C10orf90: variants seen among roughly 807,000 people sequenced by gnomAD.
C10orf90 encodes the protein chromosome 10 open reading frame 90.
In C10orf90, 56 loss-of-function variants were observed where a neutral mutation model predicts 62.5. That is an observed-to-expected ratio of 0.90 (90% confidence interval 0.72 to 1.12). C10orf90 has a LOEUF of 1.12. Among genes scored for constraint, C10orf90 ranks in the 50% most tolerant of loss-of-function variants. The pLI is 0.00. For synonymous variants in C10orf90, 386 were observed against 340.4 expected (o/e 1.13, Z -1.47); for missense variants, 970 against 880.4 (o/e 1.10, Z -1.29).
intron 4 of C10orf90, chr10:126,470,093 G>A (rs562478973): frequency 2.2e-6 from 1 of 449,914 alleles, no homozygotes; most frequent in East Asian, 7.0e-5. Context: ...TACTGCAGGG[G>A]GGAAGGCACT....
intron 2 of C10orf90, among the ~76,000 whole-genome samples, chr10:126,615,091 C>T (rs1845514119): frequency 6.6e-6 from 1 of 152,182 alleles, no homozygotes; most frequent in South Asian, 2.1e-4. Context: ...TTTTCTCATC[C>T]TCCACGGAGG....
intron 2 of C10orf90, among the ~76,000 whole-genome samples, chr10:126,606,923 G>A (rs1845325029): frequency 6.6e-6 from 1 of 152,150 alleles, no homozygotes; most frequent in Non-Finnish European, 1.5e-5. Context: ...TGACCCATAA[G>A]CCTTAAAGAG....
At chr10:126,480,406 T>G (rs1446939026) in intron 4 of C10orf90, among the ~76,000 whole-genome samples, 2 of 152,258 alleles carry the variant, frequency 1.3e-5, no homozygotes, top group Non-Finnish European at 2.9e-5. Context: ...TTTAACATTC[T>G]AATTTTCCAT....
At chr10:126,584,078 C>T (rs548724700) in intron 2 of C10orf90, among the ~76,000 whole-genome samples, 2 of 152,100 alleles carry the variant, frequency 1.3e-5, no homozygotes, top group Non-Finnish European at 2.9e-5. Flanking sequence ...TGTGATGGTG[C>T]CACTGCCCTC....
intron 2 of C10orf90, 115 bp from the exon 3 acceptor site, chr10:126,514,054 T>A: frequency 1.4e-6 from 1 of 719,846 alleles, no homozygotes; most frequent in Non-Finnish European, 2.3e-6. Context: ...CAGCCAACAG[T>A]AAATCCAGGA....
chr10:126,478,921 G>T (rs370425009), intron 4 of C10orf90, among the ~76,000 whole-genome samples: 1 of 152,152 alleles, frequency 6.6e-6, no homozygotes, highest in African/African-American at 2.4e-5. Flanking sequence ...TGAAGCGGGG[G>T]TGACATCAGC....
intron 2 of C10orf90, chr10:126,520,847 T>G (rs1863706724): frequency 6.5e-6 from 1 of 154,088 alleles, no homozygotes; most frequent in Non-Finnish European, 1.4e-5. Context: ...CACCTGCACA[T>G]GGCCATCTTC....
chr10:126,651,358 GATATTA>G (rs1846287430), intron 1 of C10orf90, among the ~76,000 whole-genome samples: 1 of 152,088 alleles, frequency 6.6e-6, no homozygotes, highest in African/African-American at 2.4e-5. Context: ...GGCTATTTAT[GATATTA>G]ATTTATTCCA....
intron 4 of C10orf90, among the ~76,000 whole-genome samples, chr10:126,489,812 CA>C (rs1861620974): frequency 6.7e-6 from 1 of 150,264 alleles, no homozygotes; most frequent in Non-Finnish European, 1.5e-5. Flanking sequence ...TCATACTAGT[CA>C]AAAGGTGGTA....
At chr10:126,439,304 A>G (rs1182442217) in intron 7 of C10orf90, among the ~76,000 whole-genome samples, 1 of 152,116 alleles carries the variant, frequency 6.6e-6, no homozygotes, top group African/African-American at 2.4e-5. Flanking sequence ...CTCACCCAAA[A>G]AGGATGACTT....
Position 126,588,488 on chromosome 10 carries a change from C to T in C10orf90, c.313+58077G>A, listed in dbSNP as rs144023666. Among the ~76,000 whole-genome samples the T allele has an allele frequency of 2.5e-3, 387 of 152,264 alleles. 2 individuals are homozygous for T. Among genetic ancestry groups the T allele is most frequent in the Middle Eastern group, 0.01 (3 of 294 alleles). ...AGCTCCCAGAGGAAAGAACAGGCTG[C>T]CACTTTTGCTGTTTCTCTGCCTTCA... On this transcript the variant is annotated intron_variant, in intron 2 of 9. Transcript: ENST00000488181.
intron 2 of C10orf90, among the ~76,000 whole-genome samples, chr10:126,631,124 G>A (rs942229917): frequency 3.3e-5 from 5 of 152,154 alleles, no homozygotes; most frequent in Non-Finnish European, 7.3e-5. Flanking sequence ...ACCAGAATCT[G>A]TTCCAGCATG....
rs774331993 is a variant in C10orf90 at position 126,464,695 on chromosome 10, C to A, written c.1825+1G>T. 10 of 1,606,118 alleles carry A rather than the reference C, an allele frequency of 6.2e-6. No individual in the cohort carries two copies. The African/African-American group carries it at 9.4e-5, about 15-fold the overall frequency. ...TGTCACCCACCACCCTCGCTCCTTA[C>A]CTTTGGGGAACTTGCTTTCTATCTG... On this transcript the variant is annotated splice_donor_variant, in intron 5 of 9. Coordinates refer to ENST00000488181, the MANE Select transcript of C10orf90 (RefSeq NM_001350921.2). LOFTEE classifies it high-confidence loss of function.
intron 7 of C10orf90, among the ~76,000 whole-genome samples, chr10:126,445,059 A>C (rs1483257846): frequency 6.6e-6 from 1 of 152,238 alleles, no homozygotes; most frequent in Non-Finnish European, 1.5e-5. Flanking sequence ...TGAAACTGTA[A>C]ATATTCTAGA....
intron 4 of C10orf90, 136 bp downstream of exon 4, chr10:126,503,821 T>C (rs1591027970): frequency 9.1e-7 from 1 of 1,099,318 alleles, no homozygotes; most frequent in East Asian, 2.6e-5. Flanking sequence ...AGTTGTCAAC[T>C]ATGAGCAGAG....
chr10:126,449,437 A>G (rs980862127), intron 7 of C10orf90, among the ~76,000 whole-genome samples: 6 of 152,198 alleles, frequency 3.9e-5, no homozygotes, highest in African/African-American at 1.4e-4. Flanking sequence ...ATCATACTCA[A>G]TGATGAAAAG....
At chr10:126,435,471 AC>A (rs559806245) in intron 7 of C10orf90, among the ~76,000 whole-genome samples, 66 of 152,230 alleles carry the variant, frequency 4.3e-4, no homozygotes, top group Non-Finnish European at 8.1e-4. Flanking sequence ...CTTTGGAGCT[AC>A]TGGATGGATT....
chr10:126,610,984 G>C (rs1324077599), intron 2 of C10orf90, among the ~76,000 whole-genome samples: 1 of 151,770 alleles, frequency 6.6e-6, no homozygotes, highest in Non-Finnish European at 1.5e-5. Flanking sequence ...TAGTTTGATT[G>C]AGATGTACTT....
In C10orf90 at chr10:126,434,460, C is replaced by G. The variant is rs949423949; in HGVS notation, c.2189-4610G>C. 9.9e-5 allele frequency among the ~76,000 whole-genome samples: 15 copies of G among 152,270 alleles called. No individual in the cohort carries two copies. In the South Asian group the frequency reaches 1.9e-3, roughly 19 times the overall value. On this transcript the variant is annotated intron_variant, in intron 7 of 9. Transcript: ENST00000488181. ...GTAATCTAAATGATAATCAAGTTCA[C>G]ACGATTTATTAGGACAATGCTTTCC...
Sources: allele counts gnomAD v4.1 joint callset (sites outside exome capture counted in the v4.1 genomes callset), GRCh38; gene constraint gnomAD v4.1.1; transcripts MANE v1.5; gene names NCBI Gene and HGNC (gene_info 2026-07-23, HGNC 2026-07-21).